The following FAM234A variants were observed in gnomAD, a reference collection of about 807,000 sequenced individuals.
The protein encoded by FAM234A is family with sequence similarity 234 member A, also known as protein FAM234A.
FAM234A carries 42 observed loss-of-function variants against 49.1 expected under a neutral mutation model. The observed-to-expected ratio is 0.86, with a 90% confidence interval of 0.67 to 1.11. FAM234A has a LOEUF of 1.11. Ranked by LOEUF, FAM234A falls within the 50% of genes least tolerant of loss-of-function variation. The pLI is 0.00. For missense variants in FAM234A, 815 were observed against 745.2 expected, an observed-to-expected ratio of 1.09 and a Z score of -1.09; for synonymous variants, 369 against 316.2, an observed-to-expected ratio of 1.17 and a Z score of -1.77.
At chr16:263,984 G>T (rs367863094) in intron 10 of FAM234A, 32 bp from the exon 11 acceptor site, 3 of 1,596,560 alleles carry the variant, frequency 1.9e-6, no homozygotes, top group Non-Finnish European at 2.6e-6. Context: ...TAGCCCCCAC[G>T]TTGGCCCCCA....
At chr16:264,246 T>G (rs978827318) in intron 11 of FAM234A, 75 bp downstream of exon 11, 1 of 1,434,610 alleles carries the variant, frequency 7.0e-7, no homozygotes, top group Non-Finnish European at 9.3e-7. Flanking sequence ...CACCGTGGAG[T>G]GCCCAGAAGC....
chr16:266,220 G>C (rs898474322), downstream of FAM234A: 3 of 562,268 alleles, frequency 5.3e-6, no homozygotes, highest in African/African-American at 2.0e-5. Flanking sequence ...GGGTCAGGGT[G>C]GGGAGGGCTG....
Position 250,237 on chromosome 16 carries a change from CTATGTT to C in FAM234A, c.-34+585_-34+590del, listed in dbSNP as rs2050954179. Among the ~76,000 whole-genome samples, 3 of 152,328 alleles carry C rather than the reference CTATGTT, an allele frequency of 2.0e-5. No individual in the cohort carries two copies. In the South Asian group the frequency reaches 6.2e-4, roughly 32 times the overall value. On this transcript the variant is annotated intron_variant, in intron 2 of 12. Coordinates refer to ENST00000399932, the MANE Select transcript of FAM234A (RefSeq NM_032039.4). Reference sequence around the variant, plus strand: ...TGAGCCACCGCGCCCGGCCAGGAATCTATGTTTTAAACATTTCACACATCCCTTCCT... The same window carrying C: ...TGAGCCACCGCGCCCGGCCAGGAATCTTAAACATTTCACACATCCCTTCCT...
chr16:255,877 G>C (rs1326718101), intron 3 of FAM234A, among the ~76,000 whole-genome samples: 2 of 152,172 alleles, frequency 1.3e-5, no homozygotes, highest in African/African-American at 2.4e-5. Flanking sequence ...TGGTCAGGCT[G>C]GTCTCAAACT....
intron 1 of FAM234A, among the ~76,000 whole-genome samples, chr16:245,500 G>GGGGGGTTTGT (rs1410399122): frequency 6.6e-6 from 1 of 152,156 alleles, no homozygotes; most frequent in Non-Finnish European, 1.5e-5. Flanking sequence ...TTTCCCCACT[G>GGGGGGTTTGT]GGGTCCTTGC....
At chr16:258,078 A>C (rs555093553) in intron 3 of FAM234A, among the ~76,000 whole-genome samples, 257 of 148,902 alleles carry the variant, frequency 1.7e-3, no homozygotes, top group Non-Finnish European at 3.2e-3. Context: ...CTTGTCTCGG[A>C]CTCCTGACCT....
intron 6 of FAM234A, 69 bp from the exon 7 acceptor site, chr16:262,024 C>G: frequency 6.5e-7 from 1 of 1,534,888 alleles, no homozygotes; most frequent in Non-Finnish European, 8.9e-7. Flanking sequence ...CCTTCTCTTC[C>G]TGGGCCTTGT....
intron 2 of FAM234A, among the ~76,000 whole-genome samples, chr16:253,422 G>A (rs72765816): frequency 0.019 from 2,899 of 152,160 alleles, 30 homozygotes; most frequent in Middle Eastern, 0.041. Flanking sequence ...TAATAATTAG[G>A]TAGTGTTTGA....
At chr16:242,405 G>C (rs2050648651) in intron 1 of FAM234A, among the ~76,000 whole-genome samples, 1 of 151,956 alleles carries the variant, frequency 6.6e-6, no homozygotes, top group Admixed American at 6.6e-5. Context: ...GTAGAGTCGG[G>C]GTTTCACCAT....
chr16:258,598 C>T (rs941436503), intron 3 of FAM234A, among the ~76,000 whole-genome samples: 1 of 152,192 alleles, frequency 6.6e-6, no homozygotes, highest in Non-Finnish European at 1.5e-5. Context: ...CAATCTTTTC[C>T]CCACCTTTCT....
chr16:246,310 T>A (rs1449895469), intron 1 of FAM234A, among the ~76,000 whole-genome samples: 1 of 148,196 alleles, frequency 6.7e-6, no homozygotes, highest in Non-Finnish European at 1.5e-5. Context: ...TGACGAGGTC[T>A]CACTCTCACC....
chr16:245,296 T>A (rs1347719761), intron 1 of FAM234A, among the ~76,000 whole-genome samples: 1 of 152,086 alleles, frequency 6.6e-6, no homozygotes, highest in African/African-American at 2.4e-5. Context: ...GCAGTGAGCC[T>A]AGATCACCAC....
At chr16:262,651 A>G (rs1306270390) in intron 8 of FAM234A, 98 bp downstream of exon 8, 2 of 1,286,598 alleles carry the variant, frequency 1.6e-6, no homozygotes, top group Non-Finnish European at 2.0e-6. Context: ...AGCCCAGAGC[A>G]GCCCCACCGG....
chr16:264,716 G>T lies in FAM234A; in HGVS notation c.1447G>T (p.Ala483Ser). Residue 483 changes from alanine (A) to serine (S), a missense_variant and splice_region_variant, in exon 12 of 13, where the codon GCC (alanine) becomes TCC (serine). By Grantham distance (99) the Ala-to-Ser change is moderately conservative (BLOSUM62 1). Transcript: ENST00000399932. ...CTCTACCCACATTGTCGCCTTTGACGGTGAGTGTGGCCTCGGCCAGGGACC... is the reference window on the plus strand; with the variant it reads ...CTCTACCCACATTGTCGCCTTTGACTGTGAGTGTGGCCTCGGCCAGGGACC... ...NVSTHIVAFD[A>S]VLFEPSRHAA... The T allele has an allele frequency of 1.2e-6, 2 of 1,610,940 alleles. No homozygotes were observed. The highest frequency in any genetic ancestry group is 1.7e-6 in the Non-Finnish European group (2 of 1,179,550).
chr16:245,768 G>C (rs1348309669), intron 1 of FAM234A, among the ~76,000 whole-genome samples: 1 of 152,148 alleles, frequency 6.6e-6, no homozygotes, highest in Non-Finnish European at 1.5e-5. Context: ...GGACAAGCTT[G>C]GGTTAGACAT....
chr16:240,792 A>G (rs2050586868), intron 1 of FAM234A, among the ~76,000 whole-genome samples: 1 of 152,066 alleles, frequency 6.6e-6, no homozygotes, highest in Non-Finnish European at 1.5e-5. Flanking sequence ...GTGAGCTACC[A>G]CACCCAGCTG....
intron 1 of FAM234A, among the ~76,000 whole-genome samples, chr16:244,176 G>A (rs1174725266): frequency 1.3e-5 from 2 of 152,038 alleles, no homozygotes; most frequent in East Asian, 1.9e-4. Context: ...CACCGTGTTA[G>A]CTAGGATGGT....
downstream of FAM234A, chr16:268,171 C>T (rs1334372588): frequency 1.2e-5 from 2 of 168,580 alleles, no homozygotes; most frequent in African/African-American, 2.4e-5. Flanking sequence ...CACCTGCACA[C>T]GTGCACTACA....
At chr16:237,269 G>A (rs1596725930) in intron 1 of FAM234A, among the ~76,000 whole-genome samples, 1 of 151,958 alleles carries the variant, frequency 6.6e-6, no homozygotes, top group Non-Finnish European at 1.5e-5. Context: ...TCTGCTGCTT[G>A]TAACAACACA....
Sources: allele counts gnomAD v4.1 joint callset (sites outside exome capture counted in the v4.1 genomes callset), GRCh38; gene constraint gnomAD v4.1.1; transcripts MANE v1.5; gene names NCBI Gene and HGNC (gene_info 2026-07-23, HGNC 2026-07-21).